Variants in RANBP2 observed in about 807,000 individuals in gnomAD.
RANBP2 encodes the protein E3 SUMO-protein ligase RanBP2.
In RANBP2, 57 loss-of-function variants were observed where a neutral mutation model predicts 303.6. The ratio of observed to expected loss-of-function variants is 0.19; its 90% CI spans 0.15 to 0.23. The LOEUF (loss-of-function observed/expected upper bound fraction) is 0.23, where lower values mean the gene tolerates loss of function less well. RANBP2 is among the 10% of genes least tolerant of loss of function. The pLI, the probability that RANBP2 is intolerant of heterozygous loss-of-function variation, is 1.00. For missense variants in RANBP2, 3,138 were observed against 3,780.8 expected (o/e 0.83, Z 4.46); for synonymous variants, 1,167 against 1,301.5 (o/e 0.90, Z 2.23).
At chr2:109,443,504 C>T in the RANBP2 span, among the ~76,000 whole-genome samples, 1 of 152,164 alleles carries the variant, frequency 6.6e-6, no homozygotes, top group Non-Finnish European at 1.5e-5. Flanking sequence ...TTGGGGGTTA[C>T]AAATCGTTTT....
the RANBP2 span, among the ~76,000 whole-genome samples, chr2:109,103,241 A>G: frequency 6.6e-6 from 1 of 152,248 alleles, no homozygotes; most frequent in South Asian, 2.1e-4. Context: ...TGATGAAAAC[A>G]GTTGAACTCT....
the RANBP2 span, among the ~76,000 whole-genome samples, chr2:109,457,289 C>T: frequency 9.9e-5 from 15 of 152,204 alleles, no homozygotes; most frequent in South Asian, 6.2e-4. Flanking sequence ...CTTATATCCC[C>T]GAGGCTTCTC....
the RANBP2 span, among the ~76,000 whole-genome samples, chr2:109,256,217 G>T: frequency 6.6e-6 from 1 of 152,230 alleles, no homozygotes; most frequent in African/African-American, 2.4e-5. Context: ...AGACAAGGAA[G>T]ACCCCACAGT....
At chr2:108,988,516 G>A in the RANBP2 span, among the ~76,000 whole-genome samples, 7 of 152,164 alleles carry the variant, frequency 4.6e-5, no homozygotes, top group Non-Finnish European at 8.8e-5. Flanking sequence ...AACCCCACTT[G>A]GAAGGTCTCT....
Position 108,763,781 on chromosome 2 carries a change from A to G in RANBP2, c.3242A>G (p.Tyr1081Cys), listed in dbSNP as rs753740982. Residue 1081 changes from tyrosine to cysteine, a missense_variant, in exon 20 of 29, where the codon TAT (tyrosine) becomes TGT (cysteine). By Grantham distance (194) the Tyr-to-Cys change is radical. This residue lies in a region of RANBP2 where 403 missense variants were observed against 376.7 expected (regional missense o/e 1.07). Transcript: ENST00000283195. ...GATAAACCCTTGCAAGGAGATGGCT[A>G]TAGTGGAGCCAAACCAATTCCTGGT... ...TSDKPLQGDG[Y>C]SGAKPIPGGQ... The G allele has an allele frequency of 1.7e-5, 28 of 1,614,040 alleles. No individual in the cohort carries two copies. The highest frequency in any genetic ancestry group is 2.7e-5 in the African/African-American group (2 of 74,930).
At chr2:108,771,429 T>A (rs1172674586) in intron 20 of RANBP2, among the ~76,000 whole-genome samples, 1 of 152,168 alleles carries the variant, frequency 6.6e-6, no homozygotes, top group Non-Finnish European at 1.5e-5. Flanking sequence ...TAGTAATTCT[T>A]TTCAATGACT....
the RANBP2 span, among the ~76,000 whole-genome samples, chr2:109,100,327 C>A: frequency 6.6e-6 from 1 of 152,240 alleles, no homozygotes; most frequent in South Asian, 2.1e-4. Flanking sequence ...GGAGTGTGAA[C>A]CCTATTATGA....
the RANBP2 span, among the ~76,000 whole-genome samples, chr2:109,588,407 C>A: frequency 4.6e-5 from 7 of 151,806 alleles, no homozygotes; most frequent in Admixed American, 3.9e-4. Context: ...AGGTTACATG[C>A]ACAAGTAAAA....
At chr2:109,588,502 AT>A in the RANBP2 span, among the ~76,000 whole-genome samples, 3 of 151,668 alleles carry the variant, frequency 2.0e-5, no homozygotes, top group African/African-American at 7.3e-5. Flanking sequence ...ATATATACAA[AT>A]TTTTTTTTAA....
the RANBP2 span, among the ~76,000 whole-genome samples, chr2:109,228,041 A>G: frequency 2.0e-5 from 3 of 152,034 alleles, no homozygotes; most frequent in African/African-American, 7.2e-5. Flanking sequence ...TATTTGTAGG[A>G]AAGTGATGCC....
chr2:109,610,037 C>G, the RANBP2 span, among the ~76,000 whole-genome samples: 25,570 of 151,428 alleles, frequency 0.17, 2,524 homozygotes, highest in South Asian at 0.24. Flanking sequence ...TGACACAGAG[C>G]AGATCTCACA....
chr2:108,965,305 A>G, the RANBP2 span, among the ~76,000 whole-genome samples: 2 of 152,020 alleles, frequency 1.3e-5, no homozygotes, highest in Non-Finnish European at 2.9e-5. Context: ...GTGAAACCCC[A>G]TCTCTACTAA....
chr2:108,879,277 T>C, the RANBP2 span, among the ~76,000 whole-genome samples: 2 of 152,240 alleles, frequency 1.3e-5, no homozygotes, highest in African/African-American at 4.8e-5. Flanking sequence ...TAGCCTACAG[T>C]CTTTTATAAA....
rs139889300 is a variant in RANBP2, at chr2:108,766,326, C to T, written c.5787C>T (p.Gly1929=). 2 of 1,611,774 alleles carry T rather than the reference C, an allele frequency of 1.2e-6. No individual in the cohort carries two copies. The highest frequency in any genetic ancestry group is 1.1e-5 in the South Asian group (1 of 90,994). The stretch of plus-strand genomic sequence containing the variant: ...GCTTCCAGGCTCAGGATATTAGTGG[C>T]CAGAAGAATGGCCGTGGTGTGATTT... The part of the protein sequence containing the change: ...GTGFQAQDIS[G]QKNGRGVIFG... The change falls in exon 20 of 29, where the codon GGC becomes GGT. Residue 1929 remains glycine (G), a synonymous_variant. Coordinates refer to ENST00000283195, the MANE Select transcript of RANBP2 (RefSeq NM_006267.5).
the RANBP2 span, among the ~76,000 whole-genome samples, chr2:109,485,824 T>C: frequency 6.6e-6 from 1 of 152,260 alleles, no homozygotes; most frequent in Non-Finnish European, 1.5e-5. Flanking sequence ...ACAGGGATGC[T>C]TTCACACCTA....
the RANBP2 span, among the ~76,000 whole-genome samples, chr2:109,561,843 C>T: frequency 6.6e-6 from 1 of 152,142 alleles, no homozygotes; most frequent in South Asian, 2.1e-4. Context: ...GTCCTATGGA[C>T]TTTAATTTCA....
chr2:109,292,777 G>T, the RANBP2 span, among the ~76,000 whole-genome samples: 1 of 152,124 alleles, frequency 6.6e-6, no homozygotes, highest in Non-Finnish European at 1.5e-5. Flanking sequence ...TTGTTGCCCA[G>T]GCTGGAGTGC....
chr2:109,444,923 A>C, the RANBP2 span, among the ~76,000 whole-genome samples: 4 of 152,228 alleles, frequency 2.6e-5, no homozygotes, highest in African/African-American at 9.7e-5. Context: ...AAGGAATAAC[A>C]TATACACACA....
At chr2:109,511,968 T>C in the RANBP2 span, among the ~76,000 whole-genome samples, 2 of 152,246 alleles carry the variant, frequency 1.3e-5, no homozygotes, top group East Asian at 1.9e-4. Context: ...TTGCCCTAGA[T>C]GGTGTTGCTG....
Sources: gnomAD v4.1 joint callset for allele counts (sites outside exome capture counted in the v4.1 genomes callset) on GRCh38, gnomAD v4.1.1 for gene constraint, gnomAD v4.1.1 regional missense constraint, MANE v1.5 for transcripts, NCBI Gene and HGNC (gene_info 2026-07-23, HGNC 2026-07-21) for gene names.